The following CRTC1 variants were observed in gnomAD, a reference collection of about 807,000 sequenced individuals.
The protein encoded by CRTC1 is CREB-regulated transcription coactivator 1.
In CRTC1, 18 loss-of-function variants were observed where a neutral mutation model predicts 66.1. That is an observed-to-expected ratio of 0.27 (90% CI 0.19 to 0.40). The LOEUF is 0.40. CRTC1 is among the 10% of genes least tolerant of loss of function. CRTC1 has a pLI of 1.00. For synonymous variants in CRTC1, 416 were observed against 398.8 expected (o/e 1.04, Z -0.51); for missense variants, 669 against 887.9 (o/e 0.75, Z 3.13).
chr19:18,699,219 T>C (rs1002627526), intron 1 of CRTC1, among the ~76,000 whole-genome samples: 6 of 152,214 alleles, frequency 3.9e-5, no homozygotes, highest in African/African-American at 1.4e-4. Context: ...CCATGTCACA[T>C]GGTCCAATGT....
At chr19:18,717,549 C>CT (rs2053535584) in intron 1 of CRTC1, among the ~76,000 whole-genome samples, 1 of 152,160 alleles carries the variant, frequency 6.6e-6, no homozygotes, top group South Asian at 2.1e-4. Context: ...GTGTTTCTGC[C>CT]TGTGTGTGGG....
At chr19:18,735,444 C>T (rs573188475) in intron 1 of CRTC1, among the ~76,000 whole-genome samples, 6 of 152,152 alleles carry the variant, frequency 3.9e-5, no homozygotes, top group Non-Finnish European at 7.4e-5. Flanking sequence ...GGCACTGGAT[C>T]GAGGCGCACG....
At chr19:18,710,760 C>T (rs766116951) in intron 1 of CRTC1, among the ~76,000 whole-genome samples, 13 of 152,030 alleles carry the variant, frequency 8.6e-5, no homozygotes, top group Non-Finnish European at 1.8e-4. Context: ...TACAGGCACC[C>T]GCCACTGTGC....
chr19:18,750,038 T>C (rs1028872782), intron 5 of CRTC1, among the ~76,000 whole-genome samples, 163 bp downstream of exon 5: 12 of 152,136 alleles, frequency 7.9e-5, no homozygotes, highest in African/African-American at 2.9e-4. Context: ...TCAGAGGTGG[T>C]GCTACTTAAG....
At chr19:18,773,015 G>A (rs2054904015) in intron 11 of CRTC1, among the ~76,000 whole-genome samples, 1 of 152,190 alleles carries the variant, frequency 6.6e-6, no homozygotes, top group Admixed American at 6.5e-5. Context: ...TCAGGAGAGA[G>A]TCACTGGAAT....
At position 18,771,872 on chromosome 19, in the gene CRTC1, G is replaced by C. The variant is rs977427023; in HGVS notation, c.1425+326G>C. ...CCAGGGACAATGCCCTCCACACCCA[G>C]TGTGTCACCCAGAGCATGAGCTGGA... On this transcript the variant is annotated intron_variant, in intron 11 of 13. Transcript: ENST00000321949. This position sits in a 1 kb window ranked among gnomAD's most constrained non-coding sequence, Gnocchi z 4.6. Among the ~76,000 whole-genome samples the C allele has an allele frequency of 3.3e-5, 5 of 152,198 alleles. No homozygotes were observed. The highest frequency in any genetic ancestry group is 9.7e-5 in the African/African-American group (4 of 41,438).
chr19:18,759,619 C>A, intron 7 of CRTC1, 28 bp downstream of exon 7: 1 of 1,611,050 alleles, frequency 6.2e-7, no homozygotes, highest in Non-Finnish European at 8.5e-7. Flanking sequence ...CCACCCCGCA[C>A]ACTGCATCTG....
Position 18,768,578 on chromosome 19 carries a change from C to T in CRTC1, c.1105C>T (p.Pro369Ser). The T allele has an allele frequency of 2.5e-6, 4 of 1,583,208 alleles. No individual in the cohort carries two copies. The highest frequency in any genetic ancestry group is 3.4e-6 in the Non-Finnish European group (4 of 1,164,784). ...CCAGCAGCCACCGCCGCAGCCCCAG[C>T]CCCCGCCGCCTCCTCCACCCGCGTC... ...GSQQPPPQPQ[P>S]PPPPPPASQQ... The change falls in exon 10 of 14, where the codon CCC becomes TCC. Residue 369 changes from proline to serine, a missense_variant. Physicochemically the swap from Pro to Ser is moderately conservative, Grantham distance 74. Coordinates refer to ENST00000321949, the MANE Select transcript of CRTC1 (RefSeq NM_015321.3). The surrounding 1 kb of genome is among the most constrained non-coding windows in gnomAD (Gnocchi z 5.6).
At chr19:18,727,046 G>A (rs188915447) in intron 1 of CRTC1, among the ~76,000 whole-genome samples, 2 of 151,522 alleles carry the variant, frequency 1.3e-5, no homozygotes, top group Non-Finnish European at 2.9e-5. Flanking sequence ...CAGGAGTCCA[G>A]GTCTAGCCTG....
In CRTC1 at chr19:18,760,036, A is replaced by G. The variant is rs1169114463; in HGVS notation, c.694A>G (p.Thr232Ala). The G allele has an allele frequency of 1.3e-6, 2 of 1,563,398 alleles. No individual in the cohort carries two copies. Among genetic ancestry groups the G allele is most frequent in the Admixed American group, 1.7e-5 (1 of 58,088 alleles). The change falls in exon 8 of 14, where the codon ACT becomes GCT. Residue 232 changes from threonine (T) to alanine (A), a missense_variant. Thr to Ala is a moderately conservative substitution (Grantham distance 58). This residue lies in a region of CRTC1 where 214 missense variants were observed against 323.4 expected (regional missense o/e 0.66). Transcript: ENST00000321949. This position sits in a 1 kb window ranked among gnomAD's most constrained non-coding sequence, Gnocchi z 6.2. ...CTTCCCGTCTGCCGACCAGGAAAAC[A>G]CTACAGCCCTGATCCCCGCCACCCA... ...NIFPSADQEN[T>A]TALIPATHNT...
intron 1 of CRTC1, among the ~76,000 whole-genome samples, chr19:18,714,176 C>A (rs1319961454): frequency 6.6e-6 from 1 of 152,188 alleles, no homozygotes; most frequent in Non-Finnish European, 1.5e-5. Context: ...TTGGGGTGCC[C>A]CAGAAATCAG....
intron 4 of CRTC1, among the ~76,000 whole-genome samples, chr19:18,747,573 C>T (rs780112786): frequency 1.3e-5 from 2 of 152,000 alleles, no homozygotes; most frequent in Non-Finnish European, 2.9e-5. Flanking sequence ...GCGGAGGTTG[C>T]GGTGAGCCAA....
intron 1 of CRTC1, among the ~76,000 whole-genome samples, chr19:18,691,893 C>T (rs1031515954): frequency 6.6e-6 from 1 of 151,948 alleles, no homozygotes; most frequent in Admixed American, 6.6e-5. Flanking sequence ...TTTGTATTTT[C>T]AGTAGAGATG....
intron 7 of CRTC1, 75 bp from the exon 8 acceptor site, chr19:18,759,933 C>CCCGCCAGACCCCTGTCCCCG: frequency 2.0e-6 from 2 of 991,354 alleles, no homozygotes; most frequent in South Asian, 1.8e-5. Flanking sequence ...CTGATTTTCT[C>CCCGCCAGACCCCTGTCCCCG]CCGCCAGCCC....
At chr19:18,713,897 A>G (rs2053447288) in intron 1 of CRTC1, among the ~76,000 whole-genome samples, 1 of 152,210 alleles carries the variant, frequency 6.6e-6, no homozygotes, top group Non-Finnish European at 1.5e-5. Flanking sequence ...GCCCTGCACC[A>G]CTGGCAGCCC....
chr19:18,772,019 C>T (rs543167188), intron 11 of CRTC1, among the ~76,000 whole-genome samples: 113 of 152,318 alleles, frequency 7.4e-4, no homozygotes, highest in African/African-American at 2.6e-3. Context: ...TTCTCCAGAA[C>T]CACTGGCCCA....
In CRTC1 at chr19:18,775,677, T is replaced by C; in HGVS notation, c.1549T>C (p.Ser517Pro). ...QFNMMENAISSSSLYSPGSTL... is the reference protein window; with the variant it reads ...QFNMMENAISPSSLYSPGSTL... ...CAACATGATGGAGAACGCCATCAGCTCCAGCAGCCTGTACAGCCCGGGCTC... is the reference window on the plus strand; with the variant it reads ...CAACATGATGGAGAACGCCATCAGCCCCAGCAGCCTGTACAGCCCGGGCTC... Residue 517 changes from serine to proline, a missense_variant, in exon 13 of 14, where the codon TCC becomes CCC. Around this residue, in one of 8 missense-constraint regions of CRTC1, gnomAD observed 79 missense variants for 100.1 expected, o/e 0.79. Coordinates refer to ENST00000321949, the MANE Select transcript of CRTC1 (RefSeq NM_015321.3). 1 of 1,608,358 alleles carries C rather than the reference T, an allele frequency of 6.2e-7. No individual in the cohort carries two copies.
At chr19:18,729,796 C>T (rs1409750312) in intron 1 of CRTC1, among the ~76,000 whole-genome samples, 1 of 152,100 alleles carries the variant, frequency 6.6e-6, no homozygotes, top group African/African-American at 2.4e-5. Flanking sequence ...CTTGGAAGCC[C>T]CTTCAGTTCC....
At chr19:18,729,530 A>C (rs1188340753) in intron 1 of CRTC1, among the ~76,000 whole-genome samples, 2 of 151,298 alleles carry the variant, frequency 1.3e-5, no homozygotes, top group African/African-American at 2.4e-5. Context: ...GGATCATTGG[A>C]GCTCCGGAGT....
Sources: allele counts gnomAD v4.1 joint callset (sites outside exome capture counted in the v4.1 genomes callset), GRCh38; gene constraint gnomAD v4.1.1; regional missense constraint gnomAD v4.1.1; non-coding constraint Gnocchi (gnomAD v3.1); transcripts MANE v1.5; gene names NCBI Gene and HGNC (gene_info 2026-07-23, HGNC 2026-07-21).